The following CX3CR1 variants were observed in gnomAD, a reference collection of about 807,000 sequenced individuals.
CX3CR1 encodes the protein C-X3-C motif chemokine receptor 1.
For synonymous variants in CX3CR1, 168 were observed against 178.5 expected, an observed-to-expected ratio of 0.94 and a Z score of 0.47; for missense variants, 363 against 432.4, an observed-to-expected ratio of 0.84 and a Z score of 1.42.
chr3:39,291,452 C>T, the CX3CR1 span, among the ~76,000 whole-genome samples: 2 of 152,194 alleles, frequency 1.3e-5, no homozygotes, highest in Non-Finnish European at 2.9e-5. Flanking sequence ...CCTCTTTCCC[C>T]TCCCGCCTAC....
upstream of CX3CR1, among the ~76,000 whole-genome samples, chr3:39,283,840 T>TATATATAA (rs1195261746): frequency 2.3e-4 from 26 of 115,270 alleles, no homozygotes; most frequent in African/African-American, 7.9e-4. Flanking sequence ...TATATATATA[T>TATATATAA]AATGTGGTTA....
the CX3CR1 span, among the ~76,000 whole-genome samples, chr3:39,292,300 G>A: frequency 3.3e-5 from 5 of 152,172 alleles, no homozygotes; most frequent in South Asian, 2.1e-4. Context: ...TGGAAGACCC[G>A]GTCCAGTGGC....
chr3:39,266,659 C>T (rs771776311), intron 1 of CX3CR1, 141 bp from the exon 2 acceptor site: 2 of 839,044 alleles, frequency 2.4e-6, no homozygotes, highest in East Asian at 4.8e-5. Context: ...TCCCACTTGC[C>T]ATCTTGTTTA....
At chr3:39,273,285 C>T (rs1047703143) in intron 1 of CX3CR1, among the ~76,000 whole-genome samples, 2 of 152,138 alleles carry the variant, frequency 1.3e-5, no homozygotes, top group Non-Finnish European at 2.9e-5. Context: ...AAATGGAATG[C>T]GGGATATTAT....
upstream of CX3CR1, chr3:39,281,651 G>C: frequency 6.3e-7 from 1 of 1,599,196 alleles, no homozygotes; most frequent in Non-Finnish European, 8.5e-7. Flanking sequence ...AGCTCTTCCT[G>C]AAATCCAAGT....
In CX3CR1 at chr3:39,265,945, C is replaced by T. The variant is rs773508118; in HGVS notation, c.565G>A (p.Val189Met). Residue 189 changes from valine to methionine, a missense_variant, in exon 2 of 2, where the codon GTG becomes ATG. Physicochemically the swap from Val to Met is conservative, Grantham distance 21. Coordinates refer to ENST00000399220, the MANE Select transcript of CX3CR1 (RefSeq NM_001337.4). ...YPEVLQEIWP[V>M]LRNVETNFLG... Reference sequence around the variant, plus strand: ...AAATTTGTTTCCACATTGCGGAGCACGGGCCAGATTTCCTGGAGGACCTCG... The same window carrying T: ...AAATTTGTTTCCACATTGCGGAGCATGGGCCAGATTTCCTGGAGGACCTCG... 56 of 1,614,028 alleles carry T rather than the reference C, an allele frequency of 3.5e-5. 1 individual carries two copies. Among genetic ancestry groups the T allele is most frequent in the East Asian group, 1.1e-4 (5 of 44,898 alleles).
chr3:39,292,615 T>G, the CX3CR1 span, among the ~76,000 whole-genome samples: 6 of 152,228 alleles, frequency 3.9e-5, no homozygotes, highest in African/African-American at 1.4e-4. Context: ...TGCCAGGACC[T>G]GTGCTAAGTA....
At chr3:39,291,897 G>A in the CX3CR1 span, among the ~76,000 whole-genome samples, 1 of 152,340 alleles carries the variant, frequency 6.6e-6, no homozygotes, top group South Asian at 2.1e-4. Flanking sequence ...TACAGCAGAT[G>A]CCTTCGGGGT....
chr3:39,267,144 C>T (rs183990612), intron 1 of CX3CR1, among the ~76,000 whole-genome samples: 5 of 152,052 alleles, frequency 3.3e-5, no homozygotes, highest in Admixed American at 3.3e-4. Context: ...CAAAATCTCT[C>T]CAAAAGCTAG....
Position 39,279,426 on chromosome 3 carries a change from A to T in CX3CR1, c.-10+528T>A, listed in dbSNP as rs950500977. Among the ~76,000 whole-genome samples, 9 of 152,290 alleles carry T rather than the reference A, an allele frequency of 5.9e-5. No individual in the cohort carries two copies. The East Asian group carries it at 1.7e-3, about 29-fold the overall frequency. On this transcript the variant is annotated intron_variant, in intron 1 of 1. Transcript: ENST00000399220. ...TTTATTATTAAATTTTCAAATAAAAAGCAACTTTTCAAATAAAAGCAGCGA... is the reference window on the plus strand; with the variant it reads ...TTTATTATTAAATTTTCAAATAAAATGCAACTTTTCAAATAAAAGCAGCGA...
chr3:39,286,040 T>G (rs937649821), upstream of CX3CR1: 1 of 152,174 alleles, frequency 6.6e-6, no homozygotes, highest in Non-Finnish European at 1.5e-5. Context: ...GGCCAGATAT[T>G]GAAAAATAAG....
Position 39,280,015 on chromosome 3 carries a change from C to T in CX3CR1, c.-71G>A, listed in dbSNP as rs2040878382. 12 of 985,536 alleles carry T rather than the reference C, an allele frequency of 1.2e-5. No individual in the cohort carries two copies. The highest frequency in any genetic ancestry group is 1.4e-5 in the Non-Finnish European group (12 of 830,000). 61.0% of individuals were successfully genotyped at this position (985,536 alleles called of 1,614,324 possible). A position where few individuals can be genotyped will look rare whatever the true frequency, so the allele number is the denominator to read the frequency against. On this transcript the variant is annotated 5_prime_UTR_variant, in exon 1 of 2. Transcript: ENST00000399220. ...AGTCAGCCACCCTGTCCTGCTCAGA[C>T]TTTACCAGAGACGAGTATTTCCCTT...
At chr3:39,284,001 A>T (rs2040928419), upstream of CX3CR1, among the ~76,000 whole-genome samples, 1 of 151,494 alleles carries the variant, frequency 6.6e-6, no homozygotes, top group South Asian at 2.1e-4. Flanking sequence ...GCTTGAGGTG[A>T]TGCATACCCC....
chr3:39,277,315 G>A (rs940831360), intron 1 of CX3CR1, among the ~76,000 whole-genome samples: 22 of 152,302 alleles, frequency 1.4e-4, no homozygotes, highest in African/African-American at 4.1e-4. Flanking sequence ...GGTTCAGCTA[G>A]AAGCCCCAAC....
chr3:39,265,889 C>G lies in CX3CR1; in HGVS notation c.621G>C (p.Met207Ile). The G allele has an allele frequency of 6.2e-7, 1 of 1,614,206 alleles. No individual in the cohort carries two copies. Among genetic ancestry groups the G allele is most frequent in the Non-Finnish European group, 8.5e-7 (1 of 1,180,040 alleles). ...FLGFLLPLLI[M>I]SYCYFRIIQT... ...GGATGATTCTGAAGTAGCAATAACT[C>G]ATAATGAGCAGGGGGAGTAGGAAGC... Residue 207 changes from methionine to isoleucine, a missense_variant, in exon 2 of 2, where the codon ATG becomes ATC. Met to Ile is a conservative substitution (Grantham distance 10, BLOSUM62 1). Transcript: ENST00000399220.
intron 1 of CX3CR1, among the ~76,000 whole-genome samples, chr3:39,271,259 A>G (rs1230433045): frequency 6.6e-6 from 1 of 152,206 alleles, no homozygotes; most frequent in Non-Finnish European, 1.5e-5. Flanking sequence ...TAGTGATGAC[A>G]GCACCCTATC....
chr3:39,269,730 G>C (rs560654449), intron 1 of CX3CR1, among the ~76,000 whole-genome samples: 75 of 152,270 alleles, frequency 4.9e-4, no homozygotes, highest in African/African-American at 1.8e-3. Flanking sequence ...CTAGCTCCCT[G>C]CTGTCTCAGA....
rs554145136 is a variant in CX3CR1, at chr3:39,279,876, C to G, written c.-10+78G>C. The G allele has an allele frequency of 2.3e-4, 146 of 622,204 alleles. 3 individuals are homozygous for G. The South Asian group carries it at 9.4e-3, about 40-fold the overall frequency. The allele number at this position is 622,204 out of a possible 1,614,324, so 38.5% of individuals were successfully genotyped here. On this transcript the variant is annotated intron_variant, in intron 1 of 1. Coordinates refer to ENST00000399220, the MANE Select transcript of CX3CR1 (RefSeq NM_001337.4). ...ATGGTTTCCATTGTCTGCACGTAAG[C>G]AAACAGGCATTATTAACCTATTAGC... is the stretch of plus-strand genomic sequence containing the variant.
chr3:39,292,948 T>C, the CX3CR1 span, among the ~76,000 whole-genome samples: 1 of 152,250 alleles, frequency 6.6e-6, no homozygotes. Flanking sequence ...GGTAATGATA[T>C]AGCTAGAAAC....
Sources: allele counts gnomAD v4.1 joint callset (sites outside exome capture counted in the v4.1 genomes callset), GRCh38; gene constraint gnomAD v4.1.1; transcripts MANE v1.5; gene names NCBI Gene and HGNC (gene_info 2026-07-23, HGNC 2026-07-21).